Variants in COL25A1 observed in about 807,000 individuals in gnomAD.
COL25A1 encodes collagen type XXV alpha 1 chain.
COL25A1 carries 103 observed loss-of-function variants against 128.4 expected under a neutral mutation model. The ratio of observed to expected loss-of-function variants is 0.80; its 90% confidence interval spans 0.68 to 0.94. COL25A1 has a LOEUF of 0.94. COL25A1 is among the 40% of genes least tolerant of loss of function. The pLI, the probability that COL25A1 is intolerant of heterozygous loss-of-function variation, is 0.00. For missense variants in COL25A1, 745 were observed against 840.0 expected (o/e 0.89, Z 1.40); for synonymous variants, 279 against 277.2 (o/e 1.01, Z -0.06).
intron 3 of COL25A1, among the ~76,000 whole-genome samples, chr4:109,160,202 T>G (rs941067125): frequency 1.3e-5 from 2 of 152,196 alleles, no homozygotes; most frequent in African/African-American, 2.4e-5. Flanking sequence ...TCATAGAAAT[T>G]TATATTGCTT....
At chr4:109,034,387 T>C (rs1020942028) in intron 5 of COL25A1, among the ~76,000 whole-genome samples, 1 of 152,228 alleles carries the variant, frequency 6.6e-6, no homozygotes, top group Non-Finnish European at 1.5e-5. Flanking sequence ...TGAATTGAAC[T>C]TTTAAATATA....
chr4:109,192,764 G>A (rs559047912), intron 3 of COL25A1, among the ~76,000 whole-genome samples: 2 of 152,178 alleles, frequency 1.3e-5, no homozygotes, highest in African/African-American at 4.8e-5. Flanking sequence ...TGAGGCAGGA[G>A]AATGGCATGA....
chr4:108,933,514 A>T (rs1209016984), intron 11 of COL25A1, among the ~76,000 whole-genome samples: 1 of 152,212 alleles, frequency 6.6e-6, no homozygotes, highest in East Asian at 1.9e-4. Context: ...TACACTCTTA[A>T]TTGCACTATT....
intron 6 of COL25A1, among the ~76,000 whole-genome samples, chr4:108,992,907 G>A (rs1044761997): frequency 2.0e-5 from 3 of 151,850 alleles, no homozygotes; most frequent in Non-Finnish European, 4.4e-5. Context: ...TCAAGTCAAG[G>A]CTAAATGAAA....
intron 6 of COL25A1, among the ~76,000 whole-genome samples, chr4:109,004,557 G>C (rs1755784162): frequency 6.6e-6 from 1 of 152,096 alleles, no homozygotes; most frequent in Non-Finnish European, 1.5e-5. Context: ...AGCCTGGTGG[G>C]AGGTGACTGG....
intron 11 of COL25A1, among the ~76,000 whole-genome samples, chr4:108,929,558 C>A (rs1304222354): frequency 1.2e-4 from 18 of 152,010 alleles, no homozygotes; most frequent in Non-Finnish European, 2.1e-4. Context: ...TAAAAAGATG[C>A]AGGCTGGGCG....
At chr4:108,875,993 A>G (rs1183349467) in intron 19 of COL25A1, among the ~76,000 whole-genome samples, 3 of 152,124 alleles carry the variant, frequency 2.0e-5, no homozygotes, top group African/African-American at 7.2e-5. Flanking sequence ...ATTCTCACTC[A>G]TAGGTGGGAA....
chr4:109,302,083 G>A lies in COL25A1; in HGVS notation c.-56-8C>T. On this transcript the variant is annotated splice_polypyrimidine_tract_variant and splice_region_variant and intron_variant, in intron 1 of 37. Coordinates refer to ENST00000399132, the MANE Select transcript of COL25A1 (RefSeq NM_198721.4). ...TCTACACCTCAAATAATCCTAAAAG[G>A]AAAGAAAAAGGTCGATTCCTCCAAA... 3 of 1,495,030 alleles carry A rather than the reference G, an allele frequency of 2.0e-6. No individual in the cohort carries two copies. The East Asian group carries it at 6.9e-5, about 34-fold the overall frequency. The allele number at this position is 1,495,030 out of a possible 1,614,324, so 92.6% of individuals were successfully genotyped here.
At chr4:108,878,151 T>C (rs529241655) in intron 19 of COL25A1, among the ~76,000 whole-genome samples, 1 of 152,270 alleles carries the variant, frequency 6.6e-6, no homozygotes, top group South Asian at 2.1e-4. Context: ...CTGTTGCCCA[T>C]AGAAAAATCT....
At chr4:108,978,628 A>G (rs1752666251) in intron 6 of COL25A1, among the ~76,000 whole-genome samples, 1 of 152,204 alleles carries the variant, frequency 6.6e-6, no homozygotes, top group African/African-American at 2.4e-5. Flanking sequence ...TTGAATTACA[A>G]ATTATTTTTC....
intron 3 of COL25A1, among the ~76,000 whole-genome samples, chr4:109,063,483 A>G (rs1016379139): frequency 1.1e-4 from 17 of 151,044 alleles, no homozygotes; most frequent in African/African-American, 3.2e-4. Context: ...AGCCTGGGCA[A>G]CAGAGCAAGA....
At chr4:108,915,545 A>G (rs79182407) in intron 13 of COL25A1, among the ~76,000 whole-genome samples, 1 of 152,134 alleles carries the variant, frequency 6.6e-6, no homozygotes, top group African/African-American at 2.4e-5. Context: ...TTTTTCAAAC[A>G]TAAGAAAATA....
intron 3 of COL25A1, among the ~76,000 whole-genome samples, chr4:109,233,609 T>C (rs1010675787): frequency 1.3e-5 from 2 of 152,148 alleles, no homozygotes; most frequent in Non-Finnish European, 2.9e-5. Flanking sequence ...TTTAGTAATG[T>C]GATCCACATT....
chr4:108,887,146 T>A (rs1335690889), intron 18 of COL25A1, among the ~76,000 whole-genome samples: 1 of 152,144 alleles, frequency 6.6e-6, no homozygotes, highest in Non-Finnish European at 1.5e-5. Flanking sequence ...ATGGAATTAT[T>A]CCTACATTAT....
At chr4:108,927,112 T>A (rs1052757225) in intron 11 of COL25A1, among the ~76,000 whole-genome samples, 1 of 152,122 alleles carries the variant, frequency 6.6e-6, no homozygotes, top group Non-Finnish European at 1.5e-5. Flanking sequence ...AAGAAGTCCA[T>A]ATCCTTCTCC....
At chr4:109,117,432 G>A (rs1767704495) in intron 3 of COL25A1, among the ~76,000 whole-genome samples, 1 of 151,834 alleles carries the variant, frequency 6.6e-6, no homozygotes, top group African/African-American at 2.4e-5. Flanking sequence ...CATAAATAAA[G>A]AAGAATCAAA....
At chr4:109,197,443 A>ATATATTATATATAAATATTATATATT (rs1560850504) in intron 3 of COL25A1, among the ~76,000 whole-genome samples, 7 of 117,994 alleles carry the variant, frequency 5.9e-5, no homozygotes, top group Non-Finnish European at 1.2e-4. Flanking sequence ...ATTATATATT[A>ATATATTATATATAAATATTATATATT]TATATATTAT....
chr4:108,832,974 A>AATAAATAAATAAATAAGTAAATAC, intron 31 of COL25A1, among the ~76,000 whole-genome samples: 1 of 110,104 alleles, frequency 9.1e-6, no homozygotes, highest in Admixed American at 8.1e-5. Context: ...CTCAAAAAAT[A>AATAAATAAATAAATAAGTAAATAC]ATAAATAAAT....
chr4:109,170,646 G>C (rs1431421104), intron 3 of COL25A1, among the ~76,000 whole-genome samples: 2 of 152,128 alleles, frequency 1.3e-5, no homozygotes, highest in Non-Finnish European at 2.9e-5. Flanking sequence ...AGGTGGAGAG[G>C]AAGGAATAGA....
Sources: allele counts gnomAD v4.1 joint callset (sites outside exome capture counted in the v4.1 genomes callset), GRCh38; gene constraint gnomAD v4.1.1; transcripts MANE v1.5; gene names NCBI Gene and HGNC (gene_info 2026-07-23, HGNC 2026-07-21).